The following RIPK3 variants were observed in gnomAD, a reference collection of about 807,000 sequenced individuals.
RIPK3 encodes receptor-interacting serine/threonine-protein kinase 3.
In RIPK3, 51 loss-of-function variants were observed where a neutral mutation model predicts 51.6. The ratio of observed to expected loss-of-function variants is 0.99; its 90% CI spans 0.79 to 1.25. The LOEUF is 1.25. Among genes scored for constraint, RIPK3 ranks in the 50% most tolerant of loss-of-function variants. The probability of loss-of-function intolerance (pLI) is 0.00; values close to 1 mark genes in which losing one functional copy is unlikely to be tolerated. For synonymous variants in RIPK3, 246 were observed against 257.7 expected (o/e 0.95, Z 0.44); for missense variants, 654 against 650.4 (o/e 1.01, Z -0.06).
intron 5 of RIPK3, 63 bp from the exon 6 acceptor site, chr14:24,338,103 A>T: frequency 6.2e-7 from 1 of 1,610,832 alleles, no homozygotes; most frequent in East Asian, 2.2e-5. Context: ...TATCTGCTTC[A>T]TCATGGAAAG....
rs752461948 is a variant in RIPK3, at chr14:24,337,645, G to A, written c.900+50C>T. 15 of 1,540,604 alleles carry A rather than the reference G, an allele frequency of 9.7e-6. No individual in the cohort carries two copies. In the Admixed American group the frequency reaches 1.7e-4, roughly 17 times the overall value. On this transcript the variant is annotated intron_variant, in intron 7 of 9. Coordinates refer to ENST00000216274, the MANE Select transcript of RIPK3 (RefSeq NM_006871.4). The stretch of plus-strand genomic sequence containing the variant: ...AGTCATTGGATGGCCAGGTAGCCAC[G>A]CTGTGCCATCCCTGACCAGCTCCTG...
At chr14:24,338,084 A>G in intron 5 of RIPK3, 44 bp from the exon 6 acceptor site, 1 of 1,613,858 alleles carries the variant, frequency 6.2e-7, no homozygotes, top group Non-Finnish European at 8.5e-7. Flanking sequence ...ATTCAGGGTA[A>G]AAGGGAATTA....
chr14:24,336,846 G>T (rs753273610), intron 9 of RIPK3, 39 bp downstream of exon 9: 1 of 1,558,770 alleles, frequency 6.4e-7, no homozygotes. Flanking sequence ...TCTGGTGGAA[G>T]AATTGAACAG....
chr14:24,338,693 G>C, intron 3 of RIPK3, 126 bp from the exon 4 acceptor site: 4 of 1,314,810 alleles, frequency 3.0e-6, no homozygotes, highest in Non-Finnish European at 4.2e-6. Context: ...CAAGGGAAGA[G>C]GTTCCCTTGG....
Position 24,337,431 on chromosome 14 carries a change from G to C in RIPK3, c.930C>G (p.Ser310Arg), listed in dbSNP as rs561426769. The C allele has an allele frequency of 3.1e-6, 5 of 1,613,648 alleles. No individual in the cohort carries two copies. The East Asian group carries it at 6.7e-5, about 22-fold the overall frequency. Reference sequence around the variant, plus strand: ...CTGGGATAGAAAATCTCCTATTGCTGCTCCTGAGCTGAGACAGGAAATCCT... The same window carrying C: ...CTGGGATAGAAAATCTCCTATTGCTCCTCCTGAGCTGAGACAGGAAATCCT... ...TVKDFLSQLR[S>R]SNRRFSIPES... The change falls in exon 8 of 10, where the codon AGC becomes AGG. Residue 310 changes from serine to arginine, a missense_variant. By Grantham distance (110) the Ser-to-Arg change is moderately radical. Transcript: ENST00000216274.
At position 24,339,243 on chromosome 14, in the gene RIPK3, C is replaced by T. The variant is rs1485867303; in HGVS notation, c.243G>A (p.Lys81=). Residue 81 remains lysine, a synonymous_variant, in exon 3 of 10, where the codon AAG becomes AAA. Transcript: ENST00000216274. The surrounding 1 kb of genome is among the most constrained non-coding windows in gnomAD (Gnocchi z 4.0). ...FVLRLEGVIE[K]VNWDQDPKPA... ...GCTTGGGATCTTGGTCCCAGTTCAC[C>T]TTCTCGATAACCCCTTCTAGGCGCA... 1.2e-6 allele frequency: 2 copies of T among 1,614,126 alleles called. No homozygotes were observed. The highest frequency in any genetic ancestry group is 1.3e-5 in the African/African-American group (1 of 74,956).
rs1369916411 is a variant in RIPK3, at chr14:24,336,334, C to G, written c.1398G>C (p.Leu466Phe). The G allele has an allele frequency of 1.2e-6, 2 of 1,613,882 alleles. No homozygotes were observed. ...GCAAGGCAGTTGTCTGTTGCATAGT[C>G]AAGTAGTTGTTGTCTCCAACTTGCA... ...SGVQVGDNNY[L>F]TMQQTTALPT... The change falls in exon 10 of 10, where the codon TTG becomes TTC. Residue 466 changes from leucine to phenylalanine, a missense_variant. Leu to Phe is a conservative substitution (Grantham distance 22, BLOSUM62 0). Coordinates refer to ENST00000216274, the MANE Select transcript of RIPK3 (RefSeq NM_006871.4).
At position 24,339,819 on chromosome 14, in the gene RIPK3, CACG is replaced by C; in HGVS notation, c.5_7del (p.Ser2del). On this transcript the variant is annotated inframe_deletion, in exon 1 of 10. Coordinates refer to ENST00000216274, the MANE Select transcript of RIPK3 (RefSeq NM_006871.4). This position sits in a 1 kb window ranked among gnomAD's most constrained non-coding sequence, Gnocchi z 4.0. ...ACTCCCTACTCACCATAACTTGACG[CACG>C]ACATCAGGCTGGAAGGTGCCAGGGG... The C allele has an allele frequency of 6.4e-7, 1 of 1,574,768 alleles. No individual in the cohort carries two copies. Among genetic ancestry groups the C allele is most frequent in the Admixed American group, 1.9e-5 (1 of 52,338 alleles).
chr14:24,338,503 G>A lies in RIPK3; in HGVS notation c.536C>T (p.Pro179Leu), dbSNP rs766139777. The A allele has an allele frequency of 4.3e-6, 7 of 1,613,778 alleles. No individual in the cohort carries two copies. Among genetic ancestry groups the A allele is most frequent in the Non-Finnish European group, 5.9e-6 (7 of 1,179,708 alleles). Residue 179 changes from proline (P) to leucine (L), a missense_variant, in exon 4 of 10, where the codon CCA (proline) becomes CTA (leucine). Physicochemically the swap from Pro to Leu is moderately conservative, Grantham distance 98. Transcript: ENST00000216274. ...GGCCAAGTAGCCCAGGGTGCCCCCT[G>A]GCTCCCCGGACCCTGTCCCTGACTG... ...GSQSGTGSGE[P>L]GGTLGYLAPE... is the part of the protein sequence containing the mutation.
Position 24,336,384 on chromosome 14 carries a change from C to G in RIPK3, c.1348G>C (p.Val450Leu), listed in dbSNP as rs752066090. 1 of 1,613,356 alleles carries G rather than the reference C, an allele frequency of 6.2e-7. No individual in the cohort carries two copies. The highest frequency in any genetic ancestry group is 8.5e-7 in the Non-Finnish European group (1 of 1,179,858). Residue 450 changes from valine (V) to leucine (L), a missense_variant, in exon 10 of 10, where the codon GTT (valine) becomes CTT (leucine). By Grantham distance (32) the Val-to-Leu change is conservative. Coordinates refer to ENST00000216274, the MANE Select transcript of RIPK3 (RefSeq NM_006871.4). ...ACCCCAGAGCAGTTGTATATGTTAA[C>G]GAGCGGTCGCCCTTTAAGAGAAATA... ...EPNPVTGRPL[V>L]NIYNCSGVQV...
At position 24,337,292 on chromosome 14, in the gene RIPK3, G is replaced by A. The variant is rs1404392823; in HGVS notation, c.1069C>T (p.Pro357Ser). 3 of 1,613,932 alleles carry A rather than the reference G, an allele frequency of 1.9e-6. No homozygotes were observed. The highest frequency in any genetic ancestry group is 1.3e-5 in the African/African-American group (1 of 74,896). The change falls in exon 8 of 10, where the codon CCT becomes TCT. Residue 357 changes from proline to serine, a missense_variant. Coordinates refer to ENST00000216274, the MANE Select transcript of RIPK3 (RefSeq NM_006871.4). Reference protein sequence around the residue: ...EWLNKLNLEEPPSSVPKKCPS... With the variant: ...EWLNKLNLEESPSSVPKKCPS... The stretch of plus-strand genomic sequence containing the variant: ...CATTTTTTAGGAACAGAGCTGGGAG[G>A]CTCCTCTAGATTCAGTTTGTTTAGC...
At chr14:24,338,779 T>C in intron 3 of RIPK3, 2 of 731,612 alleles carry the variant, frequency 2.7e-6, no homozygotes, top group South Asian at 3.8e-5. Context: ...CATGACTCTT[T>C]GGAGGGGCTG....
chr14:24,336,969 G>A (rs370193546), intron 8 of RIPK3, 24 bp from the exon 9 acceptor site: 518 of 1,611,962 alleles, frequency 3.2e-4, no homozygotes, highest in Non-Finnish European at 4.3e-4. Flanking sequence ...AGAGCATCCA[G>A]TTCTGCCCTG....
At chr14:24,338,675 G>T in intron 3 of RIPK3, 108 bp from the exon 4 acceptor site, 1 of 1,454,276 alleles carries the variant, frequency 6.9e-7, no homozygotes, top group Non-Finnish European at 9.3e-7. Context: ...TAAAGGGAGT[G>T]TGGAGGTCAA....
Position 24,339,915 on chromosome 14 carries a change from G to A in RIPK3, c.-89C>T. On this transcript the variant is annotated 5_prime_UTR_variant, in exon 1 of 10. Coordinates refer to ENST00000216274, the MANE Select transcript of RIPK3 (RefSeq NM_006871.4). The surrounding 1 kb of genome is among the most constrained non-coding windows in gnomAD (Gnocchi z 4.0). ...GGGCTTGGTCCTTTCGCAGAGAGGGGAAGGGGTCTGTCTGTGCAGGGGTCA... is the reference window on the plus strand; with the variant it reads ...GGGCTTGGTCCTTTCGCAGAGAGGGAAAGGGGTCTGTCTGTGCAGGGGTCA... The A allele has an allele frequency of 1.4e-6, 2 of 1,383,756 alleles. No homozygotes were observed. Among genetic ancestry groups the A allele is most frequent in the East Asian group, 2.3e-5 (1 of 43,318 alleles). The allele number at this position is 1,383,756 out of a possible 1,614,324, so 85.7% of individuals were successfully genotyped here.
At chr14:24,338,226 C>T (rs1009509746) in intron 5 of RIPK3, 23 bp downstream of exon 5, 13 of 1,531,900 alleles carry the variant, frequency 8.5e-6, no homozygotes, top group Non-Finnish European at 1.1e-5. Context: ...GTTAAGGATC[C>T]CAGAATCCTC....
chr14:24,339,330 C>T lies in RIPK3; in HGVS notation c.162-6G>A. ...CCTCCCTGGATATCGCCTTCCTACA[C>T]TCCAGGAGAGAGCTGGAGTCGCACC... On this transcript the variant is annotated splice_polypyrimidine_tract_variant and splice_region_variant and intron_variant, in intron 2 of 9. Transcript: ENST00000216274. This position sits in a 1 kb window ranked among gnomAD's most constrained non-coding sequence, Gnocchi z 4.0. 1.2e-6 allele frequency: 2 copies of T among 1,610,020 alleles called. No individual in the cohort carries two copies. Among genetic ancestry groups the T allele is most frequent in the Middle Eastern group, 1.7e-4 (1 of 6,048 alleles).
In RIPK3 at chr14:24,337,678, G is replaced by T; in HGVS notation, c.900+17C>A. On this transcript the variant is annotated intron_variant, in intron 7 of 9. Transcript: ENST00000216274. ...ATCCCTGACCAGCTCCTGGGGAGGG[G>T]TGATGTTGGCACTCACCGTGGAGAC... 9.4e-6 allele frequency: 15 copies of T among 1,592,574 alleles called. No homozygotes were observed. Among genetic ancestry groups the T allele is most frequent in the Non-Finnish European group, 1.3e-5 (15 of 1,160,624 alleles).
Position 24,337,734 on chromosome 14 carries a change from G to C in RIPK3, c.861C>G (p.Phe287Leu). ...CATTCATATTGTTCTCCACCATCTG[G>C]AAGACTTCATCAGTTTTTGGTAGGC... ...QECLPKTDEV[F>L]QMVENNMNAA... The change falls in exon 7 of 10, where the codon TTC (phenylalanine) becomes TTG (leucine). Residue 287 changes from phenylalanine to leucine, a missense_variant. Coordinates refer to ENST00000216274, the MANE Select transcript of RIPK3 (RefSeq NM_006871.4). 6.2e-7 allele frequency: 1 copy of C among 1,613,742 alleles called. No individual in the cohort carries two copies. Among genetic ancestry groups the C allele is most frequent in the Non-Finnish European group, 8.5e-7 (1 of 1,179,748 alleles).
Sources: allele counts gnomAD v4.1 joint callset, GRCh38; gene constraint gnomAD v4.1.1; non-coding constraint Gnocchi (gnomAD v3.1); transcripts MANE v1.5; gene names NCBI Gene and HGNC (gene_info 2026-07-23, HGNC 2026-07-21).